GNAO1: variants seen among roughly 807,000 people sequenced by gnomAD.
GNAO1 encodes guanine nucleotide-binding protein G(o) subunit alpha.
For missense variants in GNAO1, 166 were observed against 478.7 expected (o/e 0.35, Z 6.10); for synonymous variants, 164 against 180.7 (o/e 0.91, Z 0.74).
intron 3 of GNAO1, among the ~76,000 whole-genome samples, chr16:56,292,488 A>G (rs2037241808): frequency 6.6e-6 from 1 of 152,020 alleles, no homozygotes; most frequent in Non-Finnish European, 1.5e-5. Context: ...CAGTCTCCTA[A>G]GTAGCTGGGA....
intron 2 of GNAO1, among the ~76,000 whole-genome samples, chr16:56,205,031 T>C (rs1567437239): frequency 6.6e-6 from 1 of 152,014 alleles, no homozygotes; most frequent in Non-Finnish European, 1.5e-5. Context: ...TAATAAATTA[T>C]AAAAAAAATT....
intron 2 of GNAO1, among the ~76,000 whole-genome samples, chr16:56,253,072 A>G (rs1353760381): frequency 1.3e-5 from 2 of 152,194 alleles, no homozygotes; most frequent in African/African-American, 2.4e-5. Flanking sequence ...AGATAGCAGC[A>G]GCGGCAGCAG....
chr16:56,340,655 G>C, intron 6 of GNAO1: 1 of 650,164 alleles, frequency 1.5e-6, no homozygotes, highest in Non-Finnish European at 2.7e-6. Flanking sequence ...AATGAAACAG[G>C]ACCACGTCCC....
At chr16:56,267,219 C>T (rs923063305) in intron 2 of GNAO1, among the ~76,000 whole-genome samples, 1 of 152,232 alleles carries the variant, frequency 6.6e-6, no homozygotes, top group Non-Finnish European at 1.5e-5. Flanking sequence ...CTGAGCCCAC[C>T]TCCAAGTAGG....
In GNAO1 at chr16:56,279,833, C is replaced by A. The variant is rs79688142; in HGVS notation, c.303+3761C>A. Among the ~76,000 whole-genome samples the A allele has an allele frequency of 2.4e-3, 366 of 152,300 alleles. 4 individuals carry two copies. Among genetic ancestry groups the A allele is most frequent in the African/African-American group, 8.4e-3 (348 of 41,548 alleles). ...ATTCTGCATGCAATTTCAAGGGGGC[C>A]TGGCCCACCAATGGAGTCCAGCCTA... On this transcript the variant is annotated intron_variant, in intron 3 of 8. Transcript: ENST00000262493.
intron 3 of GNAO1, among the ~76,000 whole-genome samples, chr16:56,282,584 A>T (rs2037124927): frequency 6.6e-6 from 1 of 152,230 alleles, no homozygotes; most frequent in Non-Finnish European, 1.5e-5. Context: ...ACAACAAGAC[A>T]AAAGACTGCG....
At chr16:56,340,764 T>C (rs1446837118) in intron 6 of GNAO1, 1 of 1,380,516 alleles carries the variant, frequency 7.2e-7, no homozygotes, top group African/African-American at 1.4e-5. Context: ...TGTCCCGCTG[T>C]GTCATTGGCC....
At chr16:56,226,946 G>A (rs1261436330) in intron 2 of GNAO1, among the ~76,000 whole-genome samples, 1 of 152,130 alleles carries the variant, frequency 6.6e-6, no homozygotes, top group African/African-American at 2.4e-5. Flanking sequence ...ATTTAAAAGG[G>A]GATCTTTAGG....
rs747938580 is a variant in GNAO1, at chr16:56,347,314, C to T, written c.724-4070C>T. 25 of 985,332 alleles carry T rather than the reference C, an allele frequency of 2.5e-5. No individual in the cohort carries two copies. The African/African-American group carries it at 3.1e-4, about 12-fold the overall frequency. The allele number at this position is 985,332 out of a possible 1,614,324, so 61.0% of individuals were successfully genotyped here. ...CCACCAGAGATTCAGTGTGCAGTGC[C>T]GAAGGCAGTCACCCCCAGGCAGTTC... is the stretch of plus-strand genomic sequence containing the variant. On this transcript the variant is annotated intron_variant, in intron 6 of 8. Transcript: ENST00000262493.
At chr16:56,258,882 G>C (rs1414667394) in intron 2 of GNAO1, among the ~76,000 whole-genome samples, 1 of 152,230 alleles carries the variant, frequency 6.6e-6, no homozygotes, top group Non-Finnish European at 1.5e-5. Context: ...GGGAAGCCCT[G>C]TGCATTTCTG....
chr16:56,261,185 T>C (rs2587879), intron 2 of GNAO1, among the ~76,000 whole-genome samples: 96,403 of 152,104 alleles, frequency 0.63, 30,925 homozygotes, highest in African/African-American at 0.72. Flanking sequence ...AGCAGTCCTC[T>C]CAGAGGACAT....
At chr16:56,325,580 A>G (rs2037623431) in intron 3 of GNAO1, among the ~76,000 whole-genome samples, 1 of 152,016 alleles carries the variant, frequency 6.6e-6, no homozygotes, top group African/African-American at 2.4e-5. Context: ...CGACTCTCAG[A>G]CCCCAGTGGG....
At chr16:56,339,551 G>A (rs1310085999) in intron 6 of GNAO1, among the ~76,000 whole-genome samples, 1 of 152,232 alleles carries the variant, frequency 6.6e-6, no homozygotes, top group Non-Finnish European at 1.5e-5. Context: ...TCTGGCCTGG[G>A]GTGAGAGCCT....
At chr16:56,206,070 C>G (rs1421899816) in intron 2 of GNAO1, among the ~76,000 whole-genome samples, 1 of 152,052 alleles carries the variant, frequency 6.6e-6, no homozygotes, top group Non-Finnish European at 1.5e-5. Flanking sequence ...CCTGTAATCC[C>G]AGCACTTTGG....
At chr16:56,325,589 G>A (rs77067964) in intron 3 of GNAO1, among the ~76,000 whole-genome samples, 4,596 of 152,276 alleles carry the variant, frequency 0.03, 81 homozygotes, top group Non-Finnish European at 0.048. Context: ...GACCCCAGTG[G>A]GGTCTCAGTC....
At chr16:56,211,068 C>T (rs2036382024) in intron 2 of GNAO1, among the ~76,000 whole-genome samples, 2 of 152,120 alleles carry the variant, frequency 1.3e-5, no homozygotes, top group Non-Finnish European at 2.9e-5. Context: ...TAGCTAGTAG[C>T]AGAGCAAGCA....
rs751080260 is a variant in GNAO1, at chr16:56,255,169, C to G, written c.162-20762C>G. ...TTTTCAGAGTCCTTCTTTAGCAGTT[C>G]CATTCCCAGAACATCTACCATTCTC... On this transcript the variant is annotated intron_variant, in intron 2 of 8. Transcript: ENST00000262493. Among the ~76,000 whole-genome samples the G allele has an allele frequency of 4.9e-4, 75 of 152,138 alleles. 2 individuals are homozygous for G. The highest frequency in any genetic ancestry group is 1.0e-4 in the Non-Finnish European group (7 of 68,034).
chr16:56,235,436 C>T (rs1596813300), intron 2 of GNAO1: 1 of 455,594 alleles, frequency 2.2e-6, no homozygotes, highest in African/African-American at 2.0e-5. Context: ...GCAGTCCAGG[C>T]AAGGGGCTCT....
intron 8 of GNAO1, 126 bp downstream of exon 8, chr16:56,355,207 T>TTATATATATATA (rs57085646): frequency 1.0e-5 from 2 of 200,688 alleles, no homozygotes; most frequent in East Asian, 2.3e-4. Context: ...TAACAAAACC[T>TTATATATATATA]TATATATATA....
Sources: gnomAD v4.1 joint callset for allele counts (sites outside exome capture counted in the v4.1 genomes callset) on GRCh38, gnomAD v4.1.1 for gene constraint, MANE v1.5 for transcripts, NCBI Gene and HGNC (gene_info 2026-07-23, HGNC 2026-07-21) for gene names.